The following PAK5 variants were observed in gnomAD, a reference collection of about 807,000 sequenced individuals.
PAK5 encodes p21 (RAC1) activated kinase 5.
A neutral mutation model predicts 65.9 loss-of-function variants in PAK5; 16 were observed. That is an observed-to-expected ratio of 0.24 (90% CI 0.16 to 0.37). PAK5 has a LOEUF of 0.37. PAK5 is among the 10% of genes least tolerant of loss of function. The probability of loss-of-function intolerance (pLI) is 1.00; values close to 1 mark genes in which losing one functional copy is unlikely to be tolerated. For missense variants in PAK5, 785 were observed against 903.9 expected (o/e 0.87, Z 1.69); for synonymous variants, 371 against 354.9 (o/e 1.05, Z -0.51).
intron 2 of PAK5, among the ~76,000 whole-genome samples, chr20:9,665,789 T>C (rs991252902): frequency 7.2e-5 from 11 of 152,200 alleles, no homozygotes; most frequent in Non-Finnish European, 1.3e-4. Flanking sequence ...CCACTGTGCA[T>C]GGCTGGTCAT....
intron 3 of PAK5, among the ~76,000 whole-genome samples, chr20:9,613,489 AC>A (rs899610836): frequency 6.6e-6 from 1 of 152,150 alleles, no homozygotes; most frequent in Non-Finnish European, 1.5e-5. Context: ...GGGGGCACCC[AC>A]CCTTTTGTGA....
At chr20:9,792,573 A>T (rs775247604) in intron 1 of PAK5, among the ~76,000 whole-genome samples, 2 of 152,198 alleles carry the variant, frequency 1.3e-5, no homozygotes, top group Non-Finnish European at 2.9e-5. Flanking sequence ...CACATCTCTG[A>T]ACACATCTAC....
intron 4 of PAK5, among the ~76,000 whole-genome samples, chr20:9,578,995 A>G (rs996239298): frequency 6.6e-6 from 1 of 152,228 alleles, no homozygotes; most frequent in African/African-American, 2.4e-5. Context: ...GTTTCTTCTA[A>G]AGAATGGCTG....
Position 9,537,676 on chromosome 20 carries a change from T to C in PAK5, c.*1786A>G, listed in dbSNP as rs892084353. 4.5e-6 allele frequency: 1 copy of C among 219,834 alleles called. No individual in the cohort carries two copies. Among genetic ancestry groups the C allele is most frequent in the African/African-American group, 2.2e-5 (1 of 44,494 alleles). 13.6% of individuals were successfully genotyped at this position (219,834 alleles called of 1,614,324 possible). A position where few individuals can be genotyped will look rare whatever the true frequency, so the allele number is the denominator to read the frequency against. ...GTCCTGGTTAAATTAATACAATCTGTCTCATGAACATTTAGGACTGCCATT... is the reference window on the plus strand; with the variant it reads ...GTCCTGGTTAAATTAATACAATCTGCCTCATGAACATTTAGGACTGCCATT... On this transcript the variant is annotated 3_prime_UTR_variant, in exon 10 of 10. Transcript: ENST00000353224.
intron 3 of PAK5, among the ~76,000 whole-genome samples, chr20:9,607,666 T>A (rs995266631): frequency 2.0e-5 from 3 of 151,766 alleles, no homozygotes; most frequent in Non-Finnish European, 2.9e-5. Flanking sequence ...AAAAATATTT[T>A]AAAAAATTAG....
In PAK5 at chr20:9,831,797, C is replaced by T. The variant is rs570175158; in HGVS notation, c.-162+6965G>A. Among the ~76,000 whole-genome samples, 21 of 152,242 alleles carry T rather than the reference C, an allele frequency of 1.4e-4. No homozygotes were observed. The East Asian group carries it at 3.7e-3, about 27-fold the overall frequency. ...TGGTGAGATTACAGGTGTGAGCCAC[C>T]GTGCCCGGCCTACTACATTTTTTAA... On this transcript the variant is annotated intron_variant, in intron 1 of 9. Coordinates refer to ENST00000353224, the MANE Select transcript of PAK5 (RefSeq NM_177990.4).
At chr20:9,703,275 C>A (rs1368440769) in intron 2 of PAK5, among the ~76,000 whole-genome samples, 2 of 152,132 alleles carry the variant, frequency 1.3e-5, no homozygotes, top group Non-Finnish European at 1.5e-5. Context: ...TCAATGAATA[C>A]CCTCTGATCT....
intron 3 of PAK5, among the ~76,000 whole-genome samples, chr20:9,638,445 T>C (rs1044752954): frequency 6.6e-6 from 1 of 152,220 alleles, no homozygotes; most frequent in African/African-American, 2.4e-5. Context: ...TTCTGACAGT[T>C]TGGAAATCCC....
chr20:9,658,930 C>T (rs1215907985), intron 2 of PAK5, among the ~76,000 whole-genome samples: 1 of 152,162 alleles, frequency 6.6e-6, no homozygotes, highest in Non-Finnish European at 1.5e-5. Context: ...GAATTCACCA[C>T]TCAAGATATC....
chr20:9,656,360 G>A (rs1165173683), intron 2 of PAK5, among the ~76,000 whole-genome samples: 1 of 152,040 alleles, frequency 6.6e-6, no homozygotes, highest in African/African-American at 2.4e-5. Flanking sequence ...CACAGGGTGA[G>A]ATCAGCAGCA....
chr20:9,681,484 C>G (rs1188927977), intron 2 of PAK5, among the ~76,000 whole-genome samples: 1 of 152,034 alleles, frequency 6.6e-6, no homozygotes, highest in Non-Finnish European at 1.5e-5. Flanking sequence ...CTTTTTGGGT[C>G]AATCAAGTAT....
chr20:9,781,071 G>T (rs530977984), intron 1 of PAK5, among the ~76,000 whole-genome samples: 1 of 152,126 alleles, frequency 6.6e-6, no homozygotes, highest in Admixed American at 6.6e-5. Flanking sequence ...TTTTATATTG[G>T]CAGCTATCAC....
chr20:9,817,525 GA>G (rs770981235), intron 1 of PAK5, among the ~76,000 whole-genome samples: 1 of 152,108 alleles, frequency 6.6e-6, no homozygotes, highest in Non-Finnish European at 1.5e-5. Context: ...TGGTGAAGAA[GA>G]AAGATAACAG....
chr20:9,786,525 A>G (rs6056872), intron 1 of PAK5, among the ~76,000 whole-genome samples: 10,077 of 152,206 alleles, frequency 0.066, 1,088 homozygotes, highest in African/African-American at 0.23. Flanking sequence ...AATGCAGTAT[A>G]GCACATGTAC....
At chr20:9,792,665 A>T (rs565898916) in intron 1 of PAK5, among the ~76,000 whole-genome samples, 1 of 152,306 alleles carries the variant, frequency 6.6e-6, no homozygotes, top group East Asian at 1.9e-4. Context: ...AAGCTCAAAG[A>T]AAAATATTTG....
At chr20:9,795,422 T>C (rs2049094170) in intron 1 of PAK5, among the ~76,000 whole-genome samples, 1 of 152,216 alleles carries the variant, frequency 6.6e-6, no homozygotes, top group South Asian at 2.1e-4. Flanking sequence ...CAAAGTTATG[T>C]TTACCATCAA....
chr20:9,542,924 G>A (rs1280890488), intron 8 of PAK5, among the ~76,000 whole-genome samples: 3 of 152,196 alleles, frequency 2.0e-5, no homozygotes, highest in Non-Finnish European at 2.9e-5. Flanking sequence ...TTCAGTGAAG[G>A]TTCCACCCAT....
chr20:9,551,032 C>T (rs2045419737), intron 7 of PAK5, among the ~76,000 whole-genome samples: 1 of 152,036 alleles, frequency 6.6e-6, no homozygotes, highest in Non-Finnish European at 1.5e-5. Flanking sequence ...GCAATTGAAA[C>T]TCGACACTTG....
At chr20:9,667,707 C>G (rs2047438737) in intron 2 of PAK5, among the ~76,000 whole-genome samples, 1 of 152,150 alleles carries the variant, frequency 6.6e-6, no homozygotes, top group South Asian at 2.1e-4. Flanking sequence ...TGTTGTAACA[C>G]TAAGTTTTGG....
Sources: allele counts gnomAD v4.1 joint callset (sites outside exome capture counted in the v4.1 genomes callset), GRCh38; gene constraint gnomAD v4.1.1; transcripts MANE v1.5; gene names NCBI Gene and HGNC (gene_info 2026-07-23, HGNC 2026-07-21).